PPFIA2: variants seen among roughly 807,000 people sequenced by gnomAD.
PPFIA2 encodes liprin-alpha-2.
Under a neutral mutation model 175.5 loss-of-function variants are expected in PPFIA2, and 46 were observed. That is an observed-to-expected ratio of 0.26 (90% CI 0.21 to 0.34). The LOEUF (loss-of-function observed/expected upper bound fraction) is 0.34. Ranked by LOEUF, PPFIA2 falls within the 10% of genes least tolerant of loss-of-function variation. The pLI, the probability that PPFIA2 is intolerant of heterozygous loss-of-function variation, is 1.00. For synonymous variants in PPFIA2, 568 were observed against 511.4 expected (o/e 1.11, Z -1.49); for missense variants, 1,179 against 1,506.1 (o/e 0.78, Z 3.60).
intron 24 of PPFIA2, among the ~76,000 whole-genome samples, chr12:81,287,228 G>A (rs2043671531): frequency 6.6e-6 from 1 of 151,862 alleles, no homozygotes; most frequent in South Asian, 2.1e-4. Context: ...ACACTGATTT[G>A]TGTAGCTTCT....
At chr12:81,720,638 G>A (rs1451042877) in intron 3 of PPFIA2, among the ~76,000 whole-genome samples, 1 of 151,342 alleles carries the variant, frequency 6.6e-6, no homozygotes, top group Non-Finnish European at 1.5e-5. Context: ...TGACCTGGGA[G>A]TAAATTTTGA....
intron 4 of PPFIA2, among the ~76,000 whole-genome samples, chr12:81,549,968 A>T (rs2067627371): frequency 6.6e-6 from 1 of 151,962 alleles, no homozygotes; most frequent in African/African-American, 2.4e-5. Flanking sequence ...AAAACAAAAA[A>T]CTAAGATTTT....
intron 4 of PPFIA2, among the ~76,000 whole-genome samples, chr12:81,644,859 TTTGA>T (rs2065838914): frequency 6.6e-6 from 1 of 152,126 alleles, no homozygotes; most frequent in Non-Finnish European, 1.5e-5. Flanking sequence ...CTTATTTTCA[TTTGA>T]TTTTTATTTT....
chr12:81,571,585 G>A (rs2072554856), intron 4 of PPFIA2, among the ~76,000 whole-genome samples: 1 of 152,010 alleles, frequency 6.6e-6, no homozygotes, highest in African/African-American at 2.4e-5. Flanking sequence ...CTAGCATGCT[G>A]GATTATAATA....
intron 14 of PPFIA2, among the ~76,000 whole-genome samples, chr12:81,363,554 A>T (rs1168722002): frequency 1.3e-5 from 2 of 151,716 alleles, no homozygotes; most frequent in African/African-American, 2.4e-5. Flanking sequence ...GTCTAAATGT[A>T]TCATTCTAGA....
Position 81,341,118 on chromosome 12 carries a change from T to C in PPFIA2, c.2353A>G (p.Thr785Ala), listed in dbSNP as rs1447261627. 6.2e-7 allele frequency: 1 copy of C among 1,610,946 alleles called. No homozygotes were observed. The highest frequency in any genetic ancestry group is 1.7e-5 in the Admixed American group (1 of 59,808). The change falls in exon 20 of 33, where the codon ACT becomes GCT. Residue 785 changes from threonine to alanine, a missense_variant. Thr to Ala is a moderately conservative substitution (Grantham distance 58). This residue lies in a region of PPFIA2 where 223 missense variants were observed against 241.6 expected (regional missense o/e 0.92). Coordinates refer to ENST00000549396, the MANE Select transcript of PPFIA2 (RefSeq NM_003625.5). ...PPPTPRALRM[T>A]HTLPSSYHND... ...TGGTAGGAAGAAGGGAGAGTGTGAG[T>C]CATTCTGAGGGCTCTAGGGGTAGGA...
At chr12:81,665,563 T>G (rs1015992746) in intron 4 of PPFIA2, among the ~76,000 whole-genome samples, 1 of 152,058 alleles carries the variant, frequency 6.6e-6, no homozygotes, top group African/African-American at 2.4e-5. Flanking sequence ...TATAGATGCT[T>G]AAGTAGTTCT....
At chr12:81,640,915 A>C (rs1026759705) in intron 4 of PPFIA2, among the ~76,000 whole-genome samples, 2 of 152,114 alleles carry the variant, frequency 1.3e-5, no homozygotes, top group South Asian at 2.1e-4. Flanking sequence ...AAAAAAATTA[A>C]GTTGTTTGCA....
intron 3 of PPFIA2, among the ~76,000 whole-genome samples, chr12:81,680,071 A>G (rs2153574625): frequency 6.6e-6 from 1 of 152,074 alleles, no homozygotes; most frequent in Non-Finnish European, 1.5e-5. Context: ...ACAAAAGGGG[A>G]CATCAAATAG....
chr12:81,432,995 AC>A (rs2048361946), intron 7 of PPFIA2, among the ~76,000 whole-genome samples: 1 of 150,894 alleles, frequency 6.6e-6, no homozygotes, highest in Non-Finnish European at 1.5e-5. Flanking sequence ...ACAAAAACAT[AC>A]CTTTAATGGT....
chr12:81,459,368 C>T (rs968163873), intron 4 of PPFIA2, among the ~76,000 whole-genome samples: 1 of 151,956 alleles, frequency 6.6e-6, no homozygotes, highest in Non-Finnish European at 1.5e-5. Flanking sequence ...TTCTTTATTG[C>T]ACATTATTAA....
At chr12:81,676,736 G>T in intron 4 of PPFIA2, 55 bp downstream of exon 4, 2 of 1,268,004 alleles carry the variant, frequency 1.6e-6, no homozygotes, top group Non-Finnish European at 2.2e-6. Context: ...TGATAATCTG[G>T]TGTGTACACA....
chr12:81,660,650 C>A (rs1468674871), intron 4 of PPFIA2, among the ~76,000 whole-genome samples: 1 of 152,118 alleles, frequency 6.6e-6, no homozygotes, highest in Non-Finnish European at 1.5e-5. Context: ...AGAACTTCCC[C>A]AATCTAGCAA....
At chr12:81,312,165 T>C (rs910628950) in intron 22 of PPFIA2, 18 of 1,534,892 alleles carry the variant, frequency 1.2e-5, no homozygotes, top group Non-Finnish European at 1.4e-5. Flanking sequence ...CTTACCCAGA[T>C]GTGCTTTTCA....
intron 3 of PPFIA2, among the ~76,000 whole-genome samples, chr12:81,687,170 C>T (rs1393738613): frequency 6.6e-6 from 1 of 151,978 alleles, no homozygotes; most frequent in Non-Finnish European, 1.5e-5. Context: ...TACTTCTGTA[C>T]TCAAAATACT....
At chr12:81,479,467 A>G (rs764576303) in intron 4 of PPFIA2, among the ~76,000 whole-genome samples, 4 of 152,138 alleles carry the variant, frequency 2.6e-5, no homozygotes, top group Non-Finnish European at 4.4e-5. Context: ...TCTTGTCATT[A>G]TGATGCTAGC....
intron 2 of PPFIA2, among the ~76,000 whole-genome samples, 179 bp from the exon 3 acceptor site, chr12:81,754,402 T>C (rs1386001907): frequency 6.6e-6 from 1 of 152,236 alleles, no homozygotes; most frequent in Non-Finnish European, 1.5e-5. Flanking sequence ...ATGATCCATT[T>C]ACTTCCTTCA....
intron 7 of PPFIA2, chr12:81,430,858 T>C (rs1449627109): frequency 1.3e-5 from 2 of 152,172 alleles, no homozygotes; most frequent in Non-Finnish European, 2.9e-5. Flanking sequence ...TGCCTCTATC[T>C]CCTTTCAACA....
chr12:81,660,656 A>G (rs1472315619), intron 4 of PPFIA2, among the ~76,000 whole-genome samples: 1 of 152,240 alleles, frequency 6.6e-6, no homozygotes, highest in Non-Finnish European at 1.5e-5. Context: ...TCCCCAATCT[A>G]GCAAGGCAGG....
Sources: allele counts gnomAD v4.1 joint callset (sites outside exome capture counted in the v4.1 genomes callset), GRCh38; gene constraint gnomAD v4.1.1; regional missense constraint gnomAD v4.1.1; transcripts MANE v1.5; gene names NCBI Gene and HGNC (gene_info 2026-07-23, HGNC 2026-07-21).